Variants in ATXN1 observed in about 807,000 individuals in gnomAD.
ATXN1 encodes the protein ataxin-1.
Under a neutral mutation model 56.4 loss-of-function variants are expected in ATXN1, and 8 were observed. The ratio of observed to expected loss-of-function variants is 0.14; its 90% confidence interval spans 0.08 to 0.26. ATXN1 has a LOEUF of 0.26. Ranked by LOEUF, ATXN1 falls within the 10% of genes least tolerant of loss-of-function variation. The pLI is 1.00. For missense variants in ATXN1, 987 were observed against 1,106.5 expected (o/e 0.89, Z 1.53); for synonymous variants, 514 against 494.6 (o/e 1.04, Z -0.52).
chr6:16,367,452 G>T (rs940610634), intron 6 of ATXN1, among the ~76,000 whole-genome samples: 7 of 151,870 alleles, frequency 4.6e-5, no homozygotes, highest in South Asian at 2.1e-4. Flanking sequence ...CCTAAGTCTA[G>T]ATAAAGGGGA....
chr6:16,321,382 G>A (rs573706666), intron 7 of ATXN1, among the ~76,000 whole-genome samples: 1 of 152,340 alleles, frequency 6.6e-6, no homozygotes, highest in East Asian at 1.9e-4. Flanking sequence ...TCAAGGCATG[G>A]CAAAGCAGCA....
At chr6:16,600,621 T>C (rs1311235341) in intron 3 of ATXN1, among the ~76,000 whole-genome samples, 1 of 152,228 alleles carries the variant, frequency 6.6e-6, no homozygotes, top group East Asian at 1.9e-4. Context: ...GTAACGAAAT[T>C]CCTTAAGGAC....
intron 3 of ATXN1, among the ~76,000 whole-genome samples, chr6:16,624,230 A>T (rs1763368253): frequency 6.6e-6 from 1 of 152,032 alleles, no homozygotes; most frequent in Admixed American, 6.6e-5. Flanking sequence ...AGGTTCCTGT[A>T]ATCCCAGCTA....
chr6:16,650,735 A>G lies in ATXN1; in HGVS notation c.-489+7041T>C, dbSNP rs539752287. Among the ~76,000 whole-genome samples the G allele has an allele frequency of 9.2e-5, 14 of 152,308 alleles. No individual in the cohort carries two copies. In the South Asian group the frequency reaches 2.9e-3, roughly 32 times the overall value. The stretch of plus-strand genomic sequence containing the variant: ...GGTTTCGGCGAATCACAGGCAGCCT[A>G]TCGTTCAAACCCTGTTCAAATAAGG... On this transcript the variant is annotated intron_variant, in intron 3 of 7. Coordinates refer to ENST00000436367, the MANE Select transcript of ATXN1 (RefSeq NM_001128164.2).
intron 6 of ATXN1, among the ~76,000 whole-genome samples, chr6:16,411,712 C>T (rs964257894): frequency 2.6e-5 from 4 of 152,100 alleles, no homozygotes; most frequent in Non-Finnish European, 4.4e-5. Flanking sequence ...TGAATGTCAC[C>T]GTAGTATGGA....
chr6:16,366,355 C>G (rs1419574532), intron 6 of ATXN1, among the ~76,000 whole-genome samples: 2 of 152,184 alleles, frequency 1.3e-5, no homozygotes, highest in East Asian at 3.8e-4. Flanking sequence ...ACTTCTGGCT[C>G]TGGCACCCTA....
intron 2 of ATXN1, among the ~76,000 whole-genome samples, chr6:16,702,140 T>C (rs561086278): frequency 6.6e-6 from 1 of 152,110 alleles, no homozygotes; most frequent in East Asian, 1.9e-4. Flanking sequence ...AACAGAGATA[T>C]AGACCAATGG....
intron 6 of ATXN1, among the ~76,000 whole-genome samples, chr6:16,476,896 C>T (rs1481056785): frequency 6.6e-6 from 1 of 152,218 alleles, no homozygotes; most frequent in African/African-American, 2.4e-5. Flanking sequence ...TGGTCAGTTA[C>T]ACCCTAAATG....
chr6:16,586,043 G>GCGCACGCA (rs61649104), intron 3 of ATXN1, 136 bp from the exon 4 acceptor site: 1 of 148,286 alleles, frequency 6.7e-6, no homozygotes, highest in Non-Finnish European at 1.5e-5. Context: ...GCAAGCATGC[G>GCGCACGCA]CACACACACA....
intron 6 of ATXN1, among the ~76,000 whole-genome samples, chr6:16,380,068 G>A (rs917228589): frequency 6.6e-6 from 1 of 152,206 alleles, no homozygotes; most frequent in Non-Finnish European, 1.5e-5. Context: ...CAACATGCCA[G>A]CGGGTACTTC....
chr6:16,703,475 T>C (rs1464077689), intron 2 of ATXN1, among the ~76,000 whole-genome samples: 1 of 152,234 alleles, frequency 6.6e-6, no homozygotes, highest in Non-Finnish European at 1.5e-5. Flanking sequence ...AAACTTAAAG[T>C]ATAATTTTAA....
At chr6:16,463,818 T>C (rs940935812) in intron 6 of ATXN1, among the ~76,000 whole-genome samples, 2 of 152,208 alleles carry the variant, frequency 1.3e-5, no homozygotes, top group Non-Finnish European at 2.9e-5. Context: ...TTGCTATTAC[T>C]CACCTTCGGG....
At chr6:16,688,281 C>T (rs1261989224) in intron 2 of ATXN1, among the ~76,000 whole-genome samples, 5 of 152,228 alleles carry the variant, frequency 3.3e-5, no homozygotes, top group Non-Finnish European at 7.3e-5. Context: ...CGATATCTGT[C>T]TCTTGGGGTC....
intron 2 of ATXN1, among the ~76,000 whole-genome samples, chr6:16,713,647 A>G (rs868831354): frequency 2.0e-5 from 3 of 152,190 alleles, no homozygotes; most frequent in Non-Finnish European, 2.9e-5. Flanking sequence ...TCCTCCATGC[A>G]GTTCTCCACC....
Position 16,392,641 on chromosome 6 carries a change from G to A in ATXN1, c.-160-64171C>T, listed in dbSNP as rs192700335. Among the ~76,000 whole-genome samples the A allele has an allele frequency of 9.9e-3, 1,499 of 151,892 alleles. 13 individuals are homozygous for A. Among genetic ancestry groups the A allele is most frequent in the Non-Finnish European group, 0.014 (932 of 67,938 alleles). The stretch of plus-strand genomic sequence containing the variant: ...CTCCTGAGTAGCTGGGATTACAGGC[G>A]CCCGCCACCACACCTGGCTAATTTT... On this transcript the variant is annotated intron_variant, in intron 6 of 7. Coordinates refer to ENST00000436367, the MANE Select transcript of ATXN1 (RefSeq NM_001128164.2).
At chr6:16,700,979 TG>T (rs914788143) in intron 2 of ATXN1, among the ~76,000 whole-genome samples, 1 of 145,756 alleles carries the variant, frequency 6.9e-6, no homozygotes, top group African/African-American at 2.5e-5. Flanking sequence ...GCAAAACAAA[TG>T]GAAAAAAAAA....
rs1322274706 is a variant in ATXN1 at position 16,299,300 on chromosome 6, T to TAAAC, written c.*7025_*7028dup. ...CAAAGAAAGGGACCATAAAATTCAA[T>TAAAC]AAACAGACTCGAGTGTATCCTACAA... On this transcript the variant is annotated 3_prime_UTR_variant, in exon 8 of 8. Coordinates refer to ENST00000436367, the MANE Select transcript of ATXN1 (RefSeq NM_001128164.2). 1 of 152,594 alleles carries TAAAC rather than the reference T, an allele frequency of 6.6e-6. No individual in the cohort carries two copies. The highest frequency in any genetic ancestry group is 6.5e-5 in the Admixed American group (1 of 15,286). 9.5% of individuals were successfully genotyped at this position (152,594 alleles called of 1,614,324 possible).
Position 16,397,138 on chromosome 6 carries a change from G to A in ATXN1, c.-160-68668C>T, listed in dbSNP as rs143207282. ...GCATCTCTTTACAATCTCATGGTTG[G>A]TAATGTCACATTGGTAGTTTGAAAT... On this transcript the variant is annotated intron_variant, in intron 6 of 7. Coordinates refer to ENST00000436367, the MANE Select transcript of ATXN1 (RefSeq NM_001128164.2). Among the ~76,000 whole-genome samples, 1,517 of 152,258 alleles carry A rather than the reference G, an allele frequency of 1.0e-2. 17 individuals are homozygous for A. Among genetic ancestry groups the A allele is most frequent in the African/African-American group, 0.034 (1,420 of 41,540 alleles).
chr6:16,433,820 G>C (rs560953239), intron 6 of ATXN1, among the ~76,000 whole-genome samples: 1 of 152,228 alleles, frequency 6.6e-6, no homozygotes, highest in Non-Finnish European at 1.5e-5. Context: ...GCTCCGCCCA[G>C]GAGTTCCTGC....
Sources: allele counts gnomAD v4.1 joint callset (sites outside exome capture counted in the v4.1 genomes callset), GRCh38; gene constraint gnomAD v4.1.1; transcripts MANE v1.5; gene names NCBI Gene and HGNC (gene_info 2026-07-23, HGNC 2026-07-21).